MORC1: variants seen among roughly 807,000 people sequenced by gnomAD.
MORC1 encodes the protein MORC family CW-type zinc finger 1.
MORC1 carries 59 observed loss-of-function variants against 134.9 expected under a neutral mutation model. The ratio of observed to expected loss-of-function variants is 0.44; its 90% CI spans 0.35 to 0.54. The LOEUF (loss-of-function observed/expected upper bound fraction) is 0.54. Among genes scored for constraint, MORC1 ranks in the 20% least tolerant of loss-of-function variants. The pLI is 0.00. For synonymous variants in MORC1, 395 were observed against 391.7 expected, an observed-to-expected ratio of 1.01 and a Z score of -0.10; for missense variants, 947 against 1,134.5, an observed-to-expected ratio of 0.83 and a Z score of 2.37.
intron 14 of MORC1, among the ~76,000 whole-genome samples, chr3:109,040,353 TGAAA>T (rs35886667): frequency 0.011 from 312 of 28,208 alleles, 23 homozygotes; most frequent in African/African-American, 0.036. Flanking sequence ...CTCAAAGAAC[TGAAA>T]GAAAGAAAGA....
chr3:108,982,739 A>AAAG (rs1218227113), intron 23 of MORC1, among the ~76,000 whole-genome samples: 7 of 147,904 alleles, frequency 4.7e-5, no homozygotes, highest in South Asian at 2.1e-4. Context: ...AAAAAAAAAA[A>AAAG]AAGAAGAAGA....
chr3:109,007,153 G>C, intron 17 of MORC1, 62 bp from the exon 18 acceptor site: 1 of 1,285,988 alleles, frequency 7.8e-7, no homozygotes, highest in Non-Finnish European at 1.1e-6. Context: ...ACTGGCATAG[G>C]GTAATAATTC....
At chr3:109,025,978 C>A (rs1336516258) in intron 17 of MORC1, among the ~76,000 whole-genome samples, 1 of 152,146 alleles carries the variant, frequency 6.6e-6, no homozygotes, top group African/African-American at 2.4e-5. Flanking sequence ...ACAGAACTTA[C>A]ATTTTGGTAT....
chr3:108,972,841 T>G (rs955555518), intron 24 of MORC1, among the ~76,000 whole-genome samples: 1 of 152,206 alleles, frequency 6.6e-6, no homozygotes, highest in Non-Finnish European at 1.5e-5. Context: ...TTCTTTTGCC[T>G]TTAAATTTAG....
In MORC1 at chr3:109,060,986, T is replaced by TA. The variant is rs891988682; in HGVS notation, c.966+1001dup. On this transcript the variant is annotated intron_variant, in intron 11 of 27. Coordinates refer to ENST00000232603, the MANE Select transcript of MORC1 (RefSeq NM_014429.4). ...CAATAAGATAGGTTTACCCTTAATT[T>TA]AAAAAAAAATGAAAAAAAAAAACTA... Among the ~76,000 whole-genome samples the TA allele has an allele frequency of 1.9e-4, 27 of 143,538 alleles. No homozygotes were observed. The East Asian group carries it at 3.1e-3, about 17-fold the overall frequency. The allele number at this position is 143,538 out of a possible 152,430, so 94.2% of individuals were successfully genotyped here. A position where few individuals can be genotyped will look rare whatever the true frequency, so the allele number is the denominator to read the frequency against.
chr3:109,076,701 A>T (rs919993349), intron 8 of MORC1, among the ~76,000 whole-genome samples: 1 of 152,152 alleles, frequency 6.6e-6, no homozygotes, highest in African/African-American at 2.4e-5. Flanking sequence ...GCTGGAAACC[A>T]TCATCCTCAG....
intron 17 of MORC1, 33 bp from the exon 18 acceptor site, chr3:109,007,124 T>C: frequency 1.3e-6 from 2 of 1,545,550 alleles, no homozygotes; most frequent in Non-Finnish European, 1.8e-6. Context: ...AAGGCAAATG[T>C]AAGTAAAAAT....
At chr3:108,964,410 C>A (rs1239495041) in intron 26 of MORC1, among the ~76,000 whole-genome samples, 1 of 152,204 alleles carries the variant, frequency 6.6e-6, no homozygotes, top group Non-Finnish European at 1.5e-5. Context: ...TGCATTCTAA[C>A]ATGACTGGGT....
At chr3:109,044,181 A>T (rs1949627419) in intron 14 of MORC1, among the ~76,000 whole-genome samples, 1 of 152,210 alleles carries the variant, frequency 6.6e-6, no homozygotes, top group South Asian at 2.1e-4. Flanking sequence ...AGGTTAATTT[A>T]CTGCCAGCTA....
chr3:109,090,083 A>C (rs1370756359), intron 8 of MORC1, among the ~76,000 whole-genome samples: 3 of 152,116 alleles, frequency 2.0e-5, no homozygotes, highest in Non-Finnish European at 4.4e-5. Flanking sequence ...GTGCATTCTG[A>C]AATTCTGATG....
chr3:109,072,600 G>T (rs1444061337), intron 8 of MORC1, among the ~76,000 whole-genome samples: 2 of 152,200 alleles, frequency 1.3e-5, no homozygotes, highest in African/African-American at 4.8e-5. Flanking sequence ...ATAAACAACA[G>T]AGGTTCCTTA....
chr3:109,036,925 T>A (rs946877157), intron 14 of MORC1, among the ~76,000 whole-genome samples: 2 of 152,192 alleles, frequency 1.3e-5, no homozygotes, highest in Non-Finnish European at 2.9e-5. Context: ...CCATCTTAAA[T>A]ACTAATCTGC....
chr3:109,103,444 C>T (rs1050430401), intron 4 of MORC1, among the ~76,000 whole-genome samples: 1 of 152,140 alleles, frequency 6.6e-6, no homozygotes, highest in African/African-American at 2.4e-5. Context: ...ACCTCTACCT[C>T]GAGGTTAAGC....
intron 17 of MORC1, among the ~76,000 whole-genome samples, chr3:109,022,519 C>T (rs897080216): frequency 6.6e-6 from 1 of 152,208 alleles, no homozygotes; most frequent in African/African-American, 2.4e-5. Flanking sequence ...GCTGGAGTTT[C>T]TTCTCACCAG....
At chr3:108,973,600 T>G (rs1001016503) in intron 24 of MORC1, among the ~76,000 whole-genome samples, 3 of 149,200 alleles carry the variant, frequency 2.0e-5, no homozygotes, top group Non-Finnish European at 4.5e-5. Context: ...TTTTGGTTTT[T>G]TTTTTTTTTT....
chr3:109,118,015 C>G lies in MORC1; in HGVS notation c.45G>C (p.Leu15=), dbSNP rs770988324. ...CTCACGAGTTGGCGTGGATGAAATCCAGACGCAGCTGGGCCCGCTGAAGCG... is the reference window on the plus strand; with the variant it reads ...CTCACGAGTTGGCGTGGATGAAATCGAGACGCAGCTGGGCCCGCTGAAGCG... The part of the protein sequence containing the change: ...YPALQRAQLR[L]DFIHANSTTH... The change falls in exon 1 of 28, where the codon CTG becomes CTC. Residue 15 remains leucine, a synonymous_variant. Transcript: ENST00000232603. 5.0e-6 allele frequency: 8 copies of G among 1,608,522 alleles called. No individual in the cohort carries two copies. The highest frequency in any genetic ancestry group is 6.8e-6 in the Non-Finnish European group (8 of 1,177,846).
At chr3:109,042,896 G>T (rs1167604812) in intron 14 of MORC1, among the ~76,000 whole-genome samples, 1 of 152,022 alleles carries the variant, frequency 6.6e-6, no homozygotes, top group Non-Finnish European at 1.5e-5. Flanking sequence ...GAAGCACAGA[G>T]TAGAATGATG....
At chr3:109,017,408 A>AT (rs1948842143) in intron 17 of MORC1, among the ~76,000 whole-genome samples, 1 of 152,220 alleles carries the variant, frequency 6.6e-6, no homozygotes, top group Non-Finnish European at 1.5e-5. Context: ...TATACATAAA[A>AT]TTAGTGCACT....
chr3:108,984,650 T>C (rs1387309324), intron 23 of MORC1, 66 bp downstream of exon 23: 5 of 1,195,610 alleles, frequency 4.2e-6, no homozygotes, highest in Non-Finnish European at 4.7e-6. Context: ...TATTTAAACA[T>C]TGATAATTAC....
Sources: allele counts gnomAD v4.1 joint callset (sites outside exome capture counted in the v4.1 genomes callset), GRCh38; gene constraint gnomAD v4.1.1; transcripts MANE v1.5; gene names NCBI Gene and HGNC (gene_info 2026-07-23, HGNC 2026-07-21).